The following PPHLN1 variants were observed in gnomAD, a reference collection of about 807,000 sequenced individuals.
The protein encoded by PPHLN1 is periphilin-1.
A neutral mutation model predicts 51.3 loss-of-function variants in PPHLN1; 29 were observed. The ratio of observed to expected loss-of-function variants is 0.57; its 90% confidence interval spans 0.42 to 0.77. PPHLN1 has a LOEUF of 0.77. Ranked by LOEUF, PPHLN1 falls within the 30% of genes least tolerant of loss-of-function variation. The pLI, the probability that PPHLN1 is intolerant of heterozygous loss-of-function variation, is 0.00. For missense variants in PPHLN1, 436 were observed against 438.4 expected (o/e 0.99, Z 0.05); for synonymous variants, 147 against 147.8 (o/e 0.99, Z 0.04).
intron 8 of PPHLN1, among the ~76,000 whole-genome samples, chr12:42,396,907 G>A (rs957115871): frequency 2.0e-5 from 3 of 151,692 alleles, no homozygotes; most frequent in Non-Finnish European, 2.9e-5. Flanking sequence ...GGGCATGGTG[G>A]CATGTGCCTG....
At position 42,360,339 on chromosome 12, in the gene PPHLN1, GTTTT is replaced by G. The variant is rs542352056; in HGVS notation, c.299+5126_299+5129del. Among the ~76,000 whole-genome samples the G allele has an allele frequency of 1.7e-4, 24 of 139,666 alleles. No individual in the cohort carries two copies. In the East Asian group the frequency reaches 4.9e-3, roughly 29 times the overall value. The allele number at this position is 139,666 out of a possible 152,430, so 91.6% of individuals were successfully genotyped here. ...TTTTGGCAAGATGAATACAGGGCAA[GTTTT>G]TTTTTTTTCTTTCTCAGTTTAGGTT... On this transcript the variant is annotated intron_variant, in intron 4 of 9. Coordinates refer to ENST00000358314, the MANE Select transcript of PPHLN1 (RefSeq NM_201439.2).
intron 5 of PPHLN1, 183 bp downstream of exon 5, chr12:42,375,257 A>C (rs1279435520): frequency 4.3e-6 from 2 of 464,876 alleles, no homozygotes; most frequent in Non-Finnish European, 7.5e-6. Context: ...TTTTTTTCAA[A>C]CTATTTGAAG....
At chr12:42,330,978 G>T (rs1320203811) in intron 1 of PPHLN1, among the ~76,000 whole-genome samples, 2 of 152,196 alleles carry the variant, frequency 1.3e-5, no homozygotes. Flanking sequence ...CAAAGTGCTG[G>T]GATTACAGGC....
intron 9 of PPHLN1, chr12:42,431,796 G>T: frequency 8.6e-7 from 1 of 1,166,590 alleles, no homozygotes; most frequent in Non-Finnish European, 1.3e-6. Context: ...GCTATTTATT[G>T]CCTTTTCTGA....
rs560579560 is a variant in PPHLN1, at chr12:42,369,137, C to A, written c.300-5726C>A. On this transcript the variant is annotated intron_variant, in intron 4 of 9. Coordinates refer to ENST00000358314, the MANE Select transcript of PPHLN1 (RefSeq NM_201439.2). ...AATGTTGAGAAGATGTGATGGAGAC[C>A]ATATAGCCACAGTGCCTAAAATATT... is the stretch of plus-strand genomic sequence containing the variant. Among the ~76,000 whole-genome samples, 9 of 152,272 alleles carry A rather than the reference C, an allele frequency of 5.9e-5. No homozygotes were observed. The East Asian group carries it at 1.7e-3, about 29-fold the overall frequency.
chr12:42,341,014 T>G (rs1304021621), intron 2 of PPHLN1, among the ~76,000 whole-genome samples: 1 of 149,972 alleles, frequency 6.7e-6, no homozygotes, highest in Non-Finnish European at 1.5e-5. Flanking sequence ...GGAGTTTTGC[T>G]CTGTCGCCCA....
At chr12:42,363,037 T>G (rs1464588689) in intron 4 of PPHLN1, among the ~76,000 whole-genome samples, 1 of 152,214 alleles carries the variant, frequency 6.6e-6, no homozygotes, top group African/African-American at 2.4e-5. Flanking sequence ...TCTAGGCTTA[T>G]ATCATGTTAC....
At chr12:42,340,134 C>T (rs977725177) in intron 2 of PPHLN1, among the ~76,000 whole-genome samples, 3 of 151,974 alleles carry the variant, frequency 2.0e-5, no homozygotes, top group East Asian at 1.9e-4. Flanking sequence ...ATGTGAGACC[C>T]TGTCTCTACA....
intron 1 of PPHLN1, among the ~76,000 whole-genome samples, chr12:42,334,311 G>A (rs951717074): frequency 1.5e-4 from 23 of 152,102 alleles, no homozygotes; most frequent in Admixed American, 2.0e-4. Flanking sequence ...TGTGTCTTGA[G>A]AAAAAGTTAA....
At position 42,338,635 on chromosome 12, in the gene PPHLN1, G is replaced by A. The variant is rs146067097; in HGVS notation, c.72+2661G>A. Among the ~76,000 whole-genome samples the A allele has an allele frequency of 2.6e-3, 399 of 152,320 alleles. 1 individual carries two copies. Among genetic ancestry groups the A allele is most frequent in the African/African-American group, 9.2e-3 (381 of 41,578 alleles). On this transcript the variant is annotated intron_variant, in intron 2 of 9. Coordinates refer to ENST00000358314, the MANE Select transcript of PPHLN1 (RefSeq NM_201439.2). Reference sequence around the variant, plus strand: ...TGAGTGAAGTTCAGTGTGTGACAATGAGAATAGAGAGCTAGTGTAAGTTAC... The same window carrying A: ...TGAGTGAAGTTCAGTGTGTGACAATAAGAATAGAGAGCTAGTGTAAGTTAC...
intron 4 of PPHLN1, among the ~76,000 whole-genome samples, chr12:42,371,649 C>T (rs1373383977): frequency 6.6e-6 from 1 of 152,174 alleles, no homozygotes; most frequent in East Asian, 1.9e-4. Flanking sequence ...ATGGGAGCTA[C>T]TAACCGCATG....
chr12:42,406,998 T>C (rs1034509043), intron 9 of PPHLN1, among the ~76,000 whole-genome samples: 3 of 152,344 alleles, frequency 2.0e-5, no homozygotes, highest in Admixed American at 6.5e-5. Flanking sequence ...CCCTGAGTTA[T>C]AAGACATCCA....
At chr12:42,392,921 G>A (rs976928732) in intron 7 of PPHLN1, among the ~76,000 whole-genome samples, 20 of 152,100 alleles carry the variant, frequency 1.3e-4, no homozygotes, top group Admixed American at 7.9e-4. Context: ...TGTAAATGAA[G>A]AAACCAAGGC....
chr12:42,413,673 T>C (rs1476584233), intron 9 of PPHLN1, among the ~76,000 whole-genome samples: 1 of 151,916 alleles, frequency 6.6e-6, no homozygotes, highest in Admixed American at 6.6e-5. Flanking sequence ...GTGATTCTCC[T>C]GTCTCAGCTT....
chr12:42,439,896 G>A (rs2082801667), intron 9 of PPHLN1, among the ~76,000 whole-genome samples: 2 of 151,914 alleles, frequency 1.3e-5, no homozygotes, highest in East Asian at 3.9e-4. Flanking sequence ...TCATTATTAT[G>A]GGTTTCCTGC....
intron 9 of PPHLN1, among the ~76,000 whole-genome samples, chr12:42,423,882 G>A (rs142158078): frequency 1.6e-3 from 241 of 152,118 alleles, no homozygotes; most frequent in African/African-American, 5.6e-3. Flanking sequence ...TTACCATGTT[G>A]GCCAGGCTGG....
intron 2 of PPHLN1, among the ~76,000 whole-genome samples, chr12:42,349,810 T>C (rs906458863): frequency 6.6e-6 from 1 of 152,234 alleles, no homozygotes; most frequent in Non-Finnish European, 1.5e-5. Context: ...TACTTCTTTC[T>C]ACACAGACAC....
intron 9 of PPHLN1, among the ~76,000 whole-genome samples, chr12:42,432,735 C>T (rs1366465591): frequency 2.6e-5 from 4 of 152,188 alleles, no homozygotes; most frequent in South Asian, 2.1e-4. Flanking sequence ...GTTCCTATTG[C>T]CACACCCATT....
At chr12:42,380,666 C>T (rs981584287) in intron 5 of PPHLN1, among the ~76,000 whole-genome samples, 1 of 151,974 alleles carries the variant, frequency 6.6e-6, no homozygotes, top group Non-Finnish European at 1.5e-5. Context: ...AGTAATGTAG[C>T]CGAAATTCTG....
Sources: gnomAD v4.1 joint callset for allele counts (sites outside exome capture counted in the v4.1 genomes callset) on GRCh38, gnomAD v4.1.1 for gene constraint, MANE v1.5 for transcripts, NCBI Gene and HGNC (gene_info 2026-07-23, HGNC 2026-07-21) for gene names.